DIAPH2: variants seen among roughly 807,000 people sequenced by gnomAD.
DIAPH2 encodes the protein diaphanous related formin 2, also known as protein diaphanous homolog 2.
A neutral mutation model predicts 92.7 loss-of-function variants in DIAPH2; 35 were observed. That is an observed-to-expected ratio of 0.38 (90% confidence interval 0.29 to 0.50). The LOEUF (loss-of-function observed/expected upper bound fraction) is 0.50. Among genes scored for constraint, DIAPH2 ranks in the 20% least tolerant of loss-of-function variants. The probability of loss-of-function intolerance (pLI) is 0.94; values close to 1 mark genes in which losing one functional copy is unlikely to be tolerated. For missense variants in DIAPH2, 701 were observed against 819.5 expected (o/e 0.86, Z 1.77); for synonymous variants, 301 against 280.4 (o/e 1.07, Z -0.73).
intron 22 of DIAPH2, among the ~76,000 whole-genome samples, chrX:97,241,352 C>T (rs1252383237): frequency 1.8e-5 from 2 of 109,067 alleles, no homozygotes; most frequent in African/African-American, 6.7e-5. Context: ...TGCTGGAGTG[C>T]AGTGGTGCGA....
intron 22 of DIAPH2, among the ~76,000 whole-genome samples, chrX:97,195,021 A>G (rs1378413303): frequency 8.9e-6 from 1 of 112,071 alleles, no homozygotes; most frequent in Non-Finnish European, 1.9e-5. Flanking sequence ...ATGAATCAAT[A>G]AAGGACAACA....
At chrX:97,140,286 C>A (rs1242660919) in intron 21 of DIAPH2, among the ~76,000 whole-genome samples, 1 of 111,126 alleles carries the variant, frequency 9.0e-6, no homozygotes, top group African/African-American at 3.3e-5. Context: ...CAGGTAAAGA[C>A]CTCTCTTTAG....
chrX:97,460,654 G>T (rs1320457015), intron 26 of DIAPH2, among the ~76,000 whole-genome samples: 3 of 111,619 alleles, frequency 2.7e-5, no homozygotes, highest in Admixed American at 9.5e-5. Context: ...GGGGAGGTCT[G>T]GGGACACTTG....
chrX:97,589,007 A>ATATATATATATATATATG, intron 26 of DIAPH2, among the ~76,000 whole-genome samples: 1 of 70,546 alleles, frequency 1.4e-5, no homozygotes, highest in Non-Finnish European at 2.8e-5. Context: ...ATATATATAT[A>ATATATATATATATATATG]TATATATATA....
intron 22 of DIAPH2, among the ~76,000 whole-genome samples, chrX:97,173,453 G>A (rs775089601): frequency 8.9e-6 from 1 of 111,816 alleles, no homozygotes; most frequent in South Asian, 3.8e-4. Flanking sequence ...TTGTTCTGTT[G>A]CACTCTTATG....
chrX:97,066,035 AAAAC>A lies in DIAPH2; in HGVS notation c.2051-6902_2051-6899del, dbSNP rs201796664. 1.8e-3 allele frequency among the ~76,000 whole-genome samples: 200 copies of A among 112,489 alleles called. 1 individual carries two copies. The highest frequency in any genetic ancestry group is 5.9e-3 in the African/African-American group (183 of 30,869). Reference sequence around the variant, plus strand: ...GATTACAAGAGTCAAAAGTTTAAAAAAAACAAAAAGTTTATAATTACTATAAGCT... The same window carrying A: ...GATTACAAGAGTCAAAAGTTTAAAAAAAAAAGTTTATAATTACTATAAGCT... On this transcript the variant is annotated intron_variant, in intron 17 of 26. Coordinates refer to ENST00000324765, the MANE Select transcript of DIAPH2 (RefSeq NM_006729.5).
intron 9 of DIAPH2, among the ~76,000 whole-genome samples, chrX:96,927,282 ATTT>A (rs5903060): frequency 0.32 from 26,071 of 81,169 alleles, 3,261 homozygotes; most frequent in Non-Finnish European, 0.41. Context: ...CTGGAGTTGA[ATTT>A]TTTTTTTTTT....
At chrX:97,534,567 A>G (rs2071082640) in intron 26 of DIAPH2, among the ~76,000 whole-genome samples, 1 of 111,242 alleles carries the variant, frequency 9.0e-6, no homozygotes, top group Non-Finnish European at 1.9e-5. Flanking sequence ...CAGTGTAATA[A>G]CCCTAATTTT....
chrX:97,345,046 G>A (rs1373586568), intron 23 of DIAPH2, among the ~76,000 whole-genome samples: 3 of 112,099 alleles, frequency 2.7e-5, no homozygotes, highest in African/African-American at 9.7e-5. Context: ...GCTAAAAAAT[G>A]AAGAGTCTTC....
chrX:96,999,242 C>T (rs936049080), intron 17 of DIAPH2, among the ~76,000 whole-genome samples: 6 of 110,872 alleles, frequency 5.4e-5, no homozygotes, highest in Non-Finnish European at 7.6e-5. Context: ...TGGCTGGGCA[C>T]GGTGGCTCAC....
chrX:97,245,029 C>T (rs754281804), intron 22 of DIAPH2, among the ~76,000 whole-genome samples: 1 of 109,156 alleles, frequency 9.2e-6, no homozygotes, highest in East Asian at 2.9e-4. Context: ...TCGGAGGTTG[C>T]AGTGAGCCGA....
At chrX:96,833,902 G>T (rs1403750296) in intron 4 of DIAPH2, among the ~76,000 whole-genome samples, 4 of 110,910 alleles carry the variant, frequency 3.6e-5, no homozygotes, top group Non-Finnish European at 5.7e-5. Context: ...CAAGTGATCT[G>T]CCCACCTCGC....
chrX:97,108,826 C>T (rs753109560), intron 20 of DIAPH2, among the ~76,000 whole-genome samples: 1 of 111,803 alleles, frequency 8.9e-6, no homozygotes, highest in East Asian at 2.8e-4. Context: ...CTGTTCTTCA[C>T]TGAGCCCTGG....
At chrX:96,840,206 A>G (rs1359981242) in intron 4 of DIAPH2, among the ~76,000 whole-genome samples, 1 of 111,993 alleles carries the variant, frequency 8.9e-6, no homozygotes, top group African/African-American at 3.2e-5. Context: ...ACATGTGACT[A>G]ATGACTTCCA....
rs59276561 is a variant in DIAPH2, at chrX:97,196,219, TACACACAC to T, written c.2720-51478_2720-51471del. On this transcript the variant is annotated intron_variant, in intron 22 of 26. Coordinates refer to ENST00000324765, the MANE Select transcript of DIAPH2 (RefSeq NM_006729.5). The stretch of plus-strand genomic sequence containing the variant: ...TGATACACATACACACACACATACA[TACACACAC>T]ACACACACACACACACATGCACATA... Among the ~76,000 whole-genome samples, 94 of 104,822 alleles carry T rather than the reference TACACACAC, an allele frequency of 9.0e-4. 1 individual carries two copies. Among genetic ancestry groups the T allele is most frequent in the Middle Eastern group, 0.01 (2 of 200 alleles). The allele number at this position is 104,822 out of a possible 115,157, so 91.0% of individuals were successfully genotyped here. A position where few individuals can be genotyped will look rare whatever the true frequency, so the allele number is the denominator to read the frequency against.
chrX:97,476,787 A>T (rs1034350856), intron 26 of DIAPH2, among the ~76,000 whole-genome samples: 1 of 103,418 alleles, frequency 9.7e-6, no homozygotes, highest in African/African-American at 3.5e-5. Context: ...ACTTAAAAAA[A>T]TACAAAATTA....
chrX:97,536,763 G>C (rs1184880959), intron 26 of DIAPH2, among the ~76,000 whole-genome samples: 1 of 111,435 alleles, frequency 9.0e-6, no homozygotes, highest in African/African-American at 3.3e-5. Context: ...TGTCACCAAA[G>C]AGCATGTCAT....
chrX:97,187,084 CT>C (rs2067611096), intron 22 of DIAPH2, among the ~76,000 whole-genome samples: 1 of 110,591 alleles, frequency 9.0e-6, no homozygotes, highest in African/African-American at 3.3e-5. Flanking sequence ...TATCCATATG[CT>C]TGTGGCCTTT....
intron 17 of DIAPH2, among the ~76,000 whole-genome samples, chrX:96,984,340 G>A (rs1408607697): frequency 1.8e-5 from 2 of 110,664 alleles, no homozygotes; most frequent in African/African-American, 3.3e-5. Flanking sequence ...GTACCTTTTG[G>A]CAGCAAAGCA....
Sources: gnomAD v4.1 joint callset for allele counts (sites outside exome capture counted in the v4.1 genomes callset) on GRCh38, gnomAD v4.1.1 for gene constraint, MANE v1.5 for transcripts, NCBI Gene and HGNC (gene_info 2026-07-23, HGNC 2026-07-21) for gene names.